PRKCQ: variants seen among roughly 807,000 people sequenced by gnomAD.
PRKCQ encodes protein kinase C theta type.
A neutral mutation model predicts 91.2 loss-of-function variants in PRKCQ; 41 were observed. The ratio of observed to expected loss-of-function variants is 0.45; its 90% CI spans 0.35 to 0.58. PRKCQ has a LOEUF of 0.58. Ranked by LOEUF, PRKCQ falls within the 20% of genes least tolerant of loss-of-function variation. The pLI, the probability that PRKCQ is intolerant of heterozygous loss-of-function variation, is 0.00. For missense variants in PRKCQ, 673 were observed against 896.5 expected, an observed-to-expected ratio of 0.75 and a Z score of 3.18; for synonymous variants, 307 against 316.9, an observed-to-expected ratio of 0.97 and a Z score of 0.33.
intron 1 of PRKCQ, among the ~76,000 whole-genome samples, chr10:6,578,316 G>C (rs1259036395): frequency 3.9e-5 from 6 of 152,352 alleles, no homozygotes; most frequent in African/African-American, 1.4e-4. Flanking sequence ...TCAAGTAACA[G>C]TTGCCATCCC....
chr10:6,414,615 T>TAGA, the PRKCQ span, among the ~76,000 whole-genome samples: 31 of 152,190 alleles, frequency 2.0e-4, no homozygotes, highest in Non-Finnish European at 2.1e-4. Flanking sequence ...ATAAAATATC[T>TAGA]CTTAACAATT....
intron 8 of PRKCQ, among the ~76,000 whole-genome samples, chr10:6,491,456 C>T (rs1837290847): frequency 1.3e-5 from 2 of 152,262 alleles, no homozygotes; most frequent in South Asian, 4.2e-4. Context: ...GACCTTGAAC[C>T]TGAACTGTTG....
intron 1 of PRKCQ, among the ~76,000 whole-genome samples, chr10:6,546,723 T>C (rs1020973548): frequency 6.6e-6 from 1 of 152,148 alleles, no homozygotes; most frequent in African/African-American, 2.4e-5. Flanking sequence ...TACCCTTTAT[T>C]TCCTTCTCCT....
At position 6,479,015 on chromosome 10, in the gene PRKCQ, T is replaced by G; in HGVS notation, c.1330A>C (p.Met444Leu). The change falls in exon 12 of 18, where the codon ATG becomes CTG. Residue 444 changes from methionine to leucine, a missense_variant. By Grantham distance (15) the Met-to-Leu change is conservative. Transcript: ENST00000263125. ...LAWEHPFLTH[M>L]FCTFQTKENL... ...ACCTTGGTCTGGAATGTACAAAACA[T>G]GTGCGTCAGAAACGGATGCTCCCAG... 1 of 1,614,190 alleles carries G rather than the reference T, an allele frequency of 6.2e-7. No homozygotes were observed. The highest frequency in any genetic ancestry group is 8.5e-7 in the Non-Finnish European group (1 of 1,180,036).
chr10:6,521,619 G>A (rs181338977), intron 1 of PRKCQ, among the ~76,000 whole-genome samples: 5 of 152,292 alleles, frequency 3.3e-5, no homozygotes, highest in Non-Finnish European at 5.9e-5. Context: ...TTTCTAATGG[G>A]CCTTCTCAAC....
chr10:6,478,662 G>A (rs1836404169), intron 12 of PRKCQ, among the ~76,000 whole-genome samples: 1 of 152,228 alleles, frequency 6.6e-6, no homozygotes, highest in African/African-American at 2.4e-5. Flanking sequence ...AGTACATGCA[G>A]GGTAGATGAA....
chr10:6,577,872 T>C (rs1841303776), intron 1 of PRKCQ, among the ~76,000 whole-genome samples: 1 of 152,198 alleles, frequency 6.6e-6, no homozygotes, highest in Non-Finnish European at 1.5e-5. Flanking sequence ...TCTGTGTAGG[T>C]CTACTTCTGA....
rs145596031 is a variant in PRKCQ, at chr10:6,514,346, G to A, written c.118+672C>T. Among the ~76,000 whole-genome samples, 14 of 151,314 alleles carry A rather than the reference G, an allele frequency of 9.3e-5. No homozygotes were observed. The East Asian group carries it at 2.7e-3, about 30-fold the overall frequency. ...GTGAAGATCTTGGAGAGTGGAAGCC[G>A]GCCGACGTGACCACAGAGACATTCC... On this transcript the variant is annotated intron_variant, in intron 2 of 17. Coordinates refer to ENST00000263125, the MANE Select transcript of PRKCQ (RefSeq NM_006257.5).
At chr10:6,404,575 CT>C in the PRKCQ span, among the ~76,000 whole-genome samples, 4 of 84,970 alleles carry the variant, frequency 4.7e-5, no homozygotes, top group East Asian at 2.7e-4. Context: ...CCTTCTTTCT[CT>C]TTCTTTCTTT....
At chr10:6,550,128 C>CT (rs1840126229) in intron 1 of PRKCQ, among the ~76,000 whole-genome samples, 1 of 152,200 alleles carries the variant, frequency 6.6e-6, no homozygotes, top group Admixed American at 6.5e-5. Context: ...AATTTGACTA[C>CT]TTGAGATACT....
At chr10:6,519,623 C>T (rs935411059) in intron 1 of PRKCQ, among the ~76,000 whole-genome samples, 5 of 152,290 alleles carry the variant, frequency 3.3e-5, no homozygotes, top group Non-Finnish European at 2.9e-5. Flanking sequence ...ATGCAGACCC[C>T]AAGCCAGTTT....
intron 4 of PRKCQ, among the ~76,000 whole-genome samples, chr10:6,505,830 G>A (rs1838178875): frequency 6.6e-6 from 1 of 152,076 alleles, no homozygotes; most frequent in Admixed American, 6.6e-5. Flanking sequence ...ATTTTTGGTA[G>A]AGAATGGGTT....
At chr10:6,432,650 C>T (rs1833480362) in intron 16 of PRKCQ, among the ~76,000 whole-genome samples, 1 of 152,140 alleles carries the variant, frequency 6.6e-6, no homozygotes, top group Non-Finnish European at 1.5e-5. Context: ...TCTCAGTTTC[C>T]TCGTGTGTAA....
chr10:6,432,720 C>T (rs1049038035), intron 16 of PRKCQ, among the ~76,000 whole-genome samples: 23 of 152,112 alleles, frequency 1.5e-4, no homozygotes, highest in East Asian at 1.9e-4. Context: ...CTCGGGTCCT[C>T]GGCTGGCATT....
chr10:6,441,470 TCCCC>T (rs1833969351), intron 16 of PRKCQ, among the ~76,000 whole-genome samples: 2 of 150,572 alleles, frequency 1.3e-5, no homozygotes. Context: ...CTTTTTTTTT[TCCCC>T]TTTATTGTTT....
At chr10:6,524,767 G>A (rs1839136812) in intron 1 of PRKCQ, among the ~76,000 whole-genome samples, 1 of 152,192 alleles carries the variant, frequency 6.6e-6, no homozygotes, top group Non-Finnish European at 1.5e-5. Flanking sequence ...GGAGGAGGGA[G>A]GAGGGTAGTG....
intron 8 of PRKCQ, among the ~76,000 whole-genome samples, chr10:6,488,978 T>G (rs1837104520): frequency 6.6e-6 from 1 of 152,134 alleles, no homozygotes; most frequent in South Asian, 2.1e-4. Context: ...GATGGGGGTC[T>G]CACTTTGTTG....
At chr10:6,473,180 G>A (rs1836086247) in intron 12 of PRKCQ, among the ~76,000 whole-genome samples, 1 of 152,112 alleles carries the variant, frequency 6.6e-6, no homozygotes, top group South Asian at 2.1e-4. Context: ...CAAGTTCCTG[G>A]AACTATGCAC....
At chr10:6,463,129 G>A (rs528519083) in intron 13 of PRKCQ, among the ~76,000 whole-genome samples, 6 of 152,026 alleles carry the variant, frequency 3.9e-5, no homozygotes, top group African/African-American at 1.2e-4. Flanking sequence ...GTTTATTTTC[G>A]TACTGAGAAC....
Sources: allele counts gnomAD v4.1 joint callset (sites outside exome capture counted in the v4.1 genomes callset), GRCh38; gene constraint gnomAD v4.1.1; transcripts MANE v1.5; gene names NCBI Gene and HGNC (gene_info 2026-07-23, HGNC 2026-07-21).